PIK3R5: variants seen among roughly 807,000 people sequenced by gnomAD.
PIK3R5 encodes phosphoinositide-3-kinase regulatory subunit 5.
In PIK3R5, 32 loss-of-function variants were observed where a neutral mutation model predicts 94.9. That is an observed-to-expected ratio of 0.34 (90% confidence interval 0.25 to 0.45). The LOEUF (loss-of-function observed/expected upper bound fraction) is 0.45, where lower values mean the gene tolerates loss of function less well. Ranked by LOEUF, PIK3R5 falls within the 20% of genes least tolerant of loss-of-function variation. The pLI, the probability that PIK3R5 is intolerant of heterozygous loss-of-function variation, is 1.00. For synonymous variants in PIK3R5, 443 were observed against 479.4 expected (o/e 0.92, Z 0.99); for missense variants, 853 against 1,144.6 (o/e 0.75, Z 3.68).
chr17:8,889,858 A>T lies in PIK3R5; in HGVS notation c.811+115T>A. Reference sequence around the variant, plus strand: ...GAGCAGTGAGATGCTGAAGAAGCTGAGTCCCTGAGTGACTGTGTGGAGCAG... The same window carrying T: ...GAGCAGTGAGATGCTGAAGAAGCTGTGTCCCTGAGTGACTGTGTGGAGCAG... On this transcript the variant is annotated intron_variant, in intron 8 of 18. Coordinates refer to ENST00000447110, the MANE Select transcript of PIK3R5 (RefSeq NM_001142633.3). This position sits in a 1 kb window ranked among gnomAD's most constrained non-coding sequence, Gnocchi z 4.1. 1 of 1,023,502 alleles carries T rather than the reference A, an allele frequency of 9.8e-7. No homozygotes were observed. Among genetic ancestry groups the T allele is most frequent in the Non-Finnish European group, 1.5e-6 (1 of 677,118 alleles). 63.4% of individuals were successfully genotyped at this position (1,023,502 alleles called of 1,614,324 possible).
rs370964753 is a variant in PIK3R5, at chr17:8,888,357, C to G, written c.1430G>C (p.Arg477Pro). The change falls in exon 10 of 19, where the codon CGC (arginine) becomes CCC (proline). Residue 477 changes from arginine (R) to proline (P), a missense_variant. By Grantham distance (103) the Arg-to-Pro change is moderately radical (BLOSUM62 -2). Coordinates refer to ENST00000447110, the MANE Select transcript of PIK3R5 (RefSeq NM_001142633.3). This position sits in a 1 kb window ranked among gnomAD's most constrained non-coding sequence, Gnocchi z 7.8. ...VSPPSRAQRS[R>P]SLPQPKLGTQ... ...ACCGAGTTTGGGCTGGGGCAGGGAG[C>G]GGGAGCGCTGGGCCCGGGAAGGGGG... 5.0e-6 allele frequency: 8 copies of G among 1,610,158 alleles called. No homozygotes were observed. The highest frequency in any genetic ancestry group is 5.9e-6 in the Non-Finnish European group (7 of 1,179,188).
At position 8,911,490 on chromosome 17, in the gene PIK3R5, T is replaced by A; in HGVS notation, c.5A>T (p.Gln2Leu). The change falls in exon 2 of 19, where the codon CAG becomes CTG. Residue 2 changes from glutamine to leucine, a missense_variant. This residue lies in a region of PIK3R5 where 108 missense variants were observed against 170.1 expected (regional missense o/e 0.63). Coordinates refer to ENST00000447110, the MANE Select transcript of PIK3R5 (RefSeq NM_001142633.3). The surrounding 1 kb of genome is among the most constrained non-coding windows in gnomAD (Gnocchi z 5.3). M[Q>L]PGATTCTEDR... is the part of the protein sequence containing the mutation. ...CTCCGTGCATGTCGTGGCCCCTGGC[T>A]GCATCCTGGGTCATCGCCTGCATGG... 6.3e-7 allele frequency: 1 copy of A among 1,598,944 alleles called. No homozygotes were observed. Among genetic ancestry groups the A allele is most frequent in the Non-Finnish European group, 8.5e-7 (1 of 1,179,360 alleles).
intron 1 of PIK3R5, among the ~76,000 whole-genome samples, chr17:8,918,819 G>A (rs894389018): frequency 6.6e-6 from 1 of 152,190 alleles, no homozygotes; most frequent in Non-Finnish European, 1.5e-5. Context: ...AACATGACCA[G>A]CAATAAGCTA....
intron 3 of PIK3R5, among the ~76,000 whole-genome samples, chr17:8,907,328 G>T (rs1334361988): frequency 6.6e-6 from 1 of 151,984 alleles, no homozygotes; most frequent in East Asian, 1.9e-4. Context: ...ACCATGCCTG[G>T]CATCTTATTA....
At chr17:8,954,707 G>A (rs1244072053) in intron 1 of PIK3R5, among the ~76,000 whole-genome samples, 1 of 152,064 alleles carries the variant, frequency 6.6e-6, no homozygotes, top group Non-Finnish European at 1.5e-5. Context: ...AGGCCGAGGC[G>A]GGTAGATCAC....
Position 8,893,271 on chromosome 17 carries a change from C to G in PIK3R5, c.482+315G>C, listed in dbSNP as rs2090071090. 6.6e-6 allele frequency among the ~76,000 whole-genome samples: 1 copy of G among 152,126 alleles called. No individual in the cohort carries two copies. Among genetic ancestry groups the G allele is most frequent in the African/African-American group, 2.4e-5 (1 of 41,412 alleles). On this transcript the variant is annotated intron_variant, in intron 6 of 18. Coordinates refer to ENST00000447110, the MANE Select transcript of PIK3R5 (RefSeq NM_001142633.3). This position sits in a 1 kb window ranked among gnomAD's most constrained non-coding sequence, Gnocchi z 5.1. ...GTGTGACCTTGGGGAAGTTGCTTGA[C>G]CTCTCTGACCTCCAGTTCCTCATCT...
intron 1 of PIK3R5, among the ~76,000 whole-genome samples, chr17:8,914,940 G>A (rs866645836): frequency 2.1e-4 from 32 of 152,230 alleles, no homozygotes; most frequent in African/African-American, 7.7e-4. Flanking sequence ...TTAAAGATGG[G>A]AAATTGGTGG....
chr17:8,959,196 G>A (rs2091515556), intron 1 of PIK3R5, among the ~76,000 whole-genome samples: 1 of 152,150 alleles, frequency 6.6e-6, no homozygotes, highest in Admixed American at 6.5e-5. Flanking sequence ...CCAGTGAGTC[G>A]CTACCAGTGT....
intron 1 of PIK3R5, among the ~76,000 whole-genome samples, chr17:8,912,779 C>T (rs746582994): frequency 1.3e-5 from 2 of 152,224 alleles, no homozygotes; most frequent in Non-Finnish European, 2.9e-5. Flanking sequence ...ATTCAGCTTA[C>T]GGAGGCCCCA....
chr17:8,886,964 C>T lies in PIK3R5; in HGVS notation c.1905+132G>A, dbSNP rs116990807. On this transcript the variant is annotated intron_variant, in intron 12 of 18. Coordinates refer to ENST00000447110, the MANE Select transcript of PIK3R5 (RefSeq NM_001142633.3). ...TCAGTCCTGCTTCTCACCCACACTCCCTGATCTTTTCCAAGAGGGCCCAGG... is the reference window on the plus strand; with the variant it reads ...TCAGTCCTGCTTCTCACCCACACTCTCTGATCTTTTCCAAGAGGGCCCAGG... The T allele has an allele frequency of 2.5e-3, 2,616 of 1,059,514 alleles. 42 individuals are homozygous for T. In the East Asian group the frequency reaches 0.038, roughly 15 times the overall value. 65.6% of individuals were successfully genotyped at this position (1,059,514 alleles called of 1,614,324 possible).
In PIK3R5 at chr17:8,881,609, G is replaced by A. The variant is rs2089662998; in HGVS notation, c.2382+21C>T. On this transcript the variant is annotated intron_variant, in intron 17 of 18. Coordinates refer to ENST00000447110, the MANE Select transcript of PIK3R5 (RefSeq NM_001142633.3). This position sits in a 1 kb window ranked among gnomAD's most constrained non-coding sequence, Gnocchi z 4.8. ...AGTAAGTCTCTTGAGGGTATGGCTG[G>A]AAGGAGAGGGAAGCCCGTACCTGGT... is the stretch of plus-strand genomic sequence containing the variant. The A allele has an allele frequency of 6.3e-7, 1 of 1,595,288 alleles. No homozygotes were observed. Among genetic ancestry groups the A allele is most frequent in the Non-Finnish European group, 8.6e-7 (1 of 1,166,382 alleles).
At chr17:8,953,409 T>C (rs192901086) in intron 1 of PIK3R5, among the ~76,000 whole-genome samples, 2 of 152,308 alleles carry the variant, frequency 1.3e-5, no homozygotes, top group Admixed American at 1.3e-4. Flanking sequence ...GGGAGGTTTT[T>C]ATTAGCAAGT....
chr17:8,922,753 C>T (rs1183315628), intron 1 of PIK3R5, among the ~76,000 whole-genome samples: 1 of 152,046 alleles, frequency 6.6e-6, no homozygotes, highest in African/African-American at 2.4e-5. Context: ...GATGATTTAG[C>T]CACCAGATGA....
At chr17:8,947,156 A>AATG (rs57388580) in intron 1 of PIK3R5, among the ~76,000 whole-genome samples, 19,489 of 152,032 alleles carry the variant, frequency 0.13, 2,808 homozygotes, top group African/African-American at 0.36. Context: ...TGCATCAAAA[A>AATG]ATGAACCTAG....
At position 8,899,360 on chromosome 17, in the gene PIK3R5, C is replaced by T. The variant is rs553158526; in HGVS notation, c.412+5417G>A. Among the ~76,000 whole-genome samples, 13 of 152,350 alleles carry T rather than the reference C, an allele frequency of 8.5e-5. No individual in the cohort carries two copies. In the South Asian group the frequency reaches 2.3e-3, roughly 27 times the overall value. On this transcript the variant is annotated intron_variant, in intron 5 of 18. Coordinates refer to ENST00000447110, the MANE Select transcript of PIK3R5 (RefSeq NM_001142633.3). ...CACGGGGGGAGGGCCCACCTCCCCA[C>T]GTCCCTTCTCATTTCTCCCTGTGAC...
In PIK3R5 at chr17:8,888,670, G is replaced by A. The variant is rs778934957; in HGVS notation, c.1117C>T (p.Arg373Cys). The change falls in exon 10 of 19, where the codon CGC (arginine) becomes TGC (cysteine). Residue 373 changes from arginine to cysteine, a missense_variant. Coordinates refer to ENST00000447110, the MANE Select transcript of PIK3R5 (RefSeq NM_001142633.3). The surrounding 1 kb of genome is among the most constrained non-coding windows in gnomAD (Gnocchi z 7.8). ...SSQASGPALSRHLLTSFVSGL... is the reference protein window; with the variant it reads ...SSQASGPALSCHLLTSFVSGL... Reference sequence around the variant, plus strand: ...GAGACAAAGGAAGTCAGCAGATGGCGCGAGAGGGCCGGCCCCGAGGCCTGG... The same window carrying A: ...GAGACAAAGGAAGTCAGCAGATGGCACGAGAGGGCCGGCCCCGAGGCCTGG... The A allele has an allele frequency of 1.9e-5, 31 of 1,613,758 alleles. No individual in the cohort carries two copies. Among genetic ancestry groups the A allele is most frequent in the African/African-American group, 2.7e-5 (2 of 74,956 alleles).
chr17:8,926,296 C>T (rs1249795529), intron 1 of PIK3R5, among the ~76,000 whole-genome samples: 1 of 152,070 alleles, frequency 6.6e-6, no homozygotes, highest in Admixed American at 6.5e-5. Context: ...GAGGCAACTG[C>T]TTTGGGAAGC....
intron 2 of PIK3R5, among the ~76,000 whole-genome samples, chr17:8,910,928 A>G (rs1486321130): frequency 6.6e-6 from 1 of 152,058 alleles, no homozygotes; most frequent in Non-Finnish European, 1.5e-5. Context: ...CCTGTTTTTT[A>G]GTCCTGGGAG....
chr17:8,956,267 G>A lies in PIK3R5; in HGVS notation c.-14+9329C>T, dbSNP rs139450081. 2.6e-5 allele frequency among the ~76,000 whole-genome samples: 4 copies of A among 151,902 alleles called. No individual in the cohort carries two copies. The East Asian group carries it at 7.7e-4, about 29-fold the overall frequency. On this transcript the variant is annotated intron_variant, in intron 1 of 18. Coordinates refer to ENST00000447110, the MANE Select transcript of PIK3R5 (RefSeq NM_001142633.3). ...GAGACTATTGGAACTTGCCATTCCA[G>A]AGCCACCAGTGACCTGAAAGGAAGC...
Sources: allele counts gnomAD v4.1 joint callset (sites outside exome capture counted in the v4.1 genomes callset), GRCh38; gene constraint gnomAD v4.1.1; regional missense constraint gnomAD v4.1.1; non-coding constraint Gnocchi (gnomAD v3.1); transcripts MANE v1.5; gene names NCBI Gene and HGNC (gene_info 2026-07-23, HGNC 2026-07-21).